The following AK7 variants were observed in gnomAD, a reference collection of about 807,000 sequenced individuals.
AK7 encodes the protein adenylate kinase 7.
Under a neutral mutation model 96.6 loss-of-function variants are expected in AK7, and 78 were observed. The ratio of observed to expected loss-of-function variants is 0.81; its 90% CI spans 0.67 to 0.97. The LOEUF is 0.97. Among genes scored for constraint, AK7 ranks in the 50% least tolerant of loss-of-function variants. The pLI is 0.00. For synonymous variants in AK7, 302 were observed against 317.2 expected, an observed-to-expected ratio of 0.95 and a Z score of 0.51; for missense variants, 855 against 887.9, an observed-to-expected ratio of 0.96 and a Z score of 0.47.
In AK7 at chr14:96,446,508, G is replaced by A; in HGVS notation, c.780-9G>A. The A allele has an allele frequency of 1.2e-6, 2 of 1,612,696 alleles. No individual in the cohort carries two copies. The highest frequency in any genetic ancestry group is 1.7e-6 in the Non-Finnish European group (2 of 1,178,808). On this transcript the variant is annotated splice_polypyrimidine_tract_variant and intron_variant, in intron 7 of 17. Coordinates refer to ENST00000267584, the MANE Select transcript of AK7 (RefSeq NM_152327.5). ...CCCTTTGATGATTATTTTACCTGTG[G>A]GTCTGCAGAGTGATACAAAACGTCA...
At chr14:96,403,147 T>TAAATAAATAAAG in intron 2 of AK7, among the ~76,000 whole-genome samples, 1 of 151,080 alleles carries the variant, frequency 6.6e-6, no homozygotes, top group Non-Finnish European at 1.5e-5. Context: ...AATAAATAAA[T>TAAATAAATAAAG]AAATAAATGG....
intron 12 of AK7, among the ~76,000 whole-genome samples, chr14:96,464,419 G>T (rs1234146800): frequency 2.6e-5 from 4 of 151,642 alleles, no homozygotes; most frequent in African/African-American, 9.7e-5. Flanking sequence ...GCGTGGTGGT[G>T]CGTGCCTATA....
chr14:96,441,880 A>G (rs1892979279), intron 6 of AK7, among the ~76,000 whole-genome samples: 1 of 151,378 alleles, frequency 6.6e-6, no homozygotes, highest in Non-Finnish European at 1.5e-5. Context: ...AAGCTACCCT[A>G]TTTCGCCTGC....
chr14:96,470,949 A>T (rs1438112335), intron 12 of AK7, among the ~76,000 whole-genome samples: 2 of 152,206 alleles, frequency 1.3e-5, no homozygotes, highest in Admixed American at 1.3e-4. Context: ...AAGTGCAGAC[A>T]TCGGCACTCG....
intron 6 of AK7, among the ~76,000 whole-genome samples, chr14:96,440,430 T>C (rs534250811): frequency 6.6e-6 from 1 of 152,282 alleles, no homozygotes; most frequent in South Asian, 2.1e-4. Context: ...CTTCACCCTC[T>C]GCTCTCTCTC....
At chr14:96,410,639 C>A (rs959374349) in intron 4 of AK7, among the ~76,000 whole-genome samples, 1 of 152,200 alleles carries the variant, frequency 6.6e-6, no homozygotes, top group Non-Finnish European at 1.5e-5. Context: ...TGCCCTCATC[C>A]TGTCACTGTG....
intron 5 of AK7, among the ~76,000 whole-genome samples, chr14:96,437,203 A>C (rs1256684208): frequency 3.3e-5 from 5 of 152,114 alleles, no homozygotes; most frequent in African/African-American, 1.2e-4. Flanking sequence ...AAATAACTTA[A>C]AGAGTATAAT....
At chr14:96,448,967 AAC>A (rs1491055061) in intron 8 of AK7, among the ~76,000 whole-genome samples, 1 of 143,436 alleles carries the variant, frequency 7.0e-6, no homozygotes, top group Non-Finnish European at 1.6e-5. Context: ...AAAACAAACA[AAC>A]AAAAAAATTG....
chr14:96,447,264 C>T (rs1815705808), intron 8 of AK7, among the ~76,000 whole-genome samples: 1 of 152,174 alleles, frequency 6.6e-6, no homozygotes, highest in African/African-American at 2.4e-5. Flanking sequence ...ATCAGGTTCA[C>T]CAACCTACTG....
chr14:96,488,235 A>G, intron 17 of AK7, 70 bp from the exon 18 acceptor site: 1 of 1,434,818 alleles, frequency 7.0e-7, no homozygotes, highest in Non-Finnish European at 9.7e-7. Flanking sequence ...TAAATTGTAA[A>G]CATTACTAAT....
intron 15 of AK7, among the ~76,000 whole-genome samples, chr14:96,479,767 G>A (rs989054504): frequency 3.9e-5 from 6 of 152,130 alleles, no homozygotes; most frequent in Non-Finnish European, 5.9e-5. Context: ...ACCTTCGCAC[G>A]TATTCCTCCT....
intron 7 of AK7, among the ~76,000 whole-genome samples, chr14:96,443,341 C>T (rs1427175080): frequency 3.3e-5 from 5 of 152,154 alleles, no homozygotes; most frequent in African/African-American, 1.2e-4. Flanking sequence ...CTGACTTAAA[C>T]GTGAGGTCAA....
chr14:96,486,060 A>G (rs1895756013), intron 16 of AK7, among the ~76,000 whole-genome samples: 1 of 152,236 alleles, frequency 6.6e-6, no homozygotes, highest in South Asian at 2.1e-4. Flanking sequence ...CTGGGATTAC[A>G]GGCGTGAGCC....
At position 96,420,812 on chromosome 14, in the gene AK7, C is replaced by T. The variant is rs1891638565; in HGVS notation, c.499-10C>T. The T allele has an allele frequency of 6.3e-7, 1 of 1,587,810 alleles. No individual in the cohort carries two copies. The highest frequency in any genetic ancestry group is 8.6e-7 in the Non-Finnish European group (1 of 1,159,064). ...CCAAGTCTGTACCTTTTCTTTCTTT[C>T]TTATAATAGGAGGATTCTGAGGTTC... On this transcript the variant is annotated splice_polypyrimidine_tract_variant and intron_variant, in intron 4 of 17. Transcript: ENST00000267584.
rs1234378217 is a variant in AK7 at position 96,456,371 on chromosome 14, C to T, written c.1123C>T (p.Pro375Ser). The T allele has an allele frequency of 4.3e-6, 7 of 1,613,452 alleles. No homozygotes were observed. In the Admixed American group the frequency reaches 1.2e-4, roughly 27 times the overall value. Reference sequence around the variant, plus strand: ...GCCAATCAAGATCTGCATTCTTGGTCCCCCTGCTGTGGGAAAATCCAGTAT... The same window carrying T: ...GCCAATCAAGATCTGCATTCTTGGTTCCCCTGCTGTGGGAAAATCCAGTAT... ...LMPIKICILGPPAVGKSSIAK... is the reference protein window; with the variant it reads ...LMPIKICILGSPAVGKSSIAK... Residue 375 changes from proline to serine, a missense_variant, in exon 11 of 18, where the codon CCC becomes TCC. Transcript: ENST00000267584.
intron 4 of AK7, among the ~76,000 whole-genome samples, chr14:96,413,008 G>A (rs1891128224): frequency 1.3e-5 from 2 of 152,182 alleles, no homozygotes; most frequent in Non-Finnish European, 2.9e-5. Context: ...CCCAACAGCA[G>A]CCCTTCTGAG....
intron 12 of AK7, among the ~76,000 whole-genome samples, chr14:96,460,611 A>G (rs1053516430): frequency 2.6e-5 from 4 of 151,338 alleles, no homozygotes; most frequent in Non-Finnish European, 5.9e-5. Context: ...GTCTTCTGGT[A>G]CTCCACCCCT....
chr14:96,449,596 G>T (rs1893463817), intron 8 of AK7, among the ~76,000 whole-genome samples: 1 of 152,124 alleles, frequency 6.6e-6, no homozygotes, highest in Admixed American at 6.5e-5. Flanking sequence ...ACCACGCCTG[G>T]CTAACTTTTG....
chr14:96,458,593 T>A (rs918909740), intron 12 of AK7, among the ~76,000 whole-genome samples: 4 of 151,668 alleles, frequency 2.6e-5, no homozygotes, highest in African/African-American at 9.7e-5. Context: ...ATACAAAAAA[T>A]TAGCCAGATG....
Sources: gnomAD v4.1 joint callset for allele counts (sites outside exome capture counted in the v4.1 genomes callset) on GRCh38, gnomAD v4.1.1 for gene constraint, MANE v1.5 for transcripts, NCBI Gene and HGNC (gene_info 2026-07-23, HGNC 2026-07-21) for gene names.